Variants in LOC400499 observed in about 807,000 individuals in gnomAD.
At chr16:11,512,933 G>C in the LOC400499 span, among the ~76,000 whole-genome samples, 1 of 152,110 alleles carries the variant, frequency 6.6e-6, no homozygotes. Context: ...GTCCCATCTA[G>C]TGGGTTCTCC....
the LOC400499 span, among the ~76,000 whole-genome samples, chr16:11,419,062 A>G: frequency 6.6e-6 from 1 of 152,154 alleles, no homozygotes. Flanking sequence ...GTTACTCAGG[A>G]GGCTGAAGCG....
At chr16:11,516,204 G>A in the LOC400499 span, 177 of 399,736 alleles carry the variant, frequency 4.4e-4, 1 homozygote, top group Non-Finnish European at 6.8e-4. Context: ...AGCACAGCAC[G>A]CTTCACGTTC....
the LOC400499 span, chr16:11,450,684 G>A: frequency 4.8e-5 from 73 of 1,536,172 alleles, no homozygotes; most frequent in African/African-American, 3.8e-4. Flanking sequence ...TGCAGCCCAC[G>A]CTGACCACCA....
At chr16:11,404,873 G>T in the LOC400499 span, 1 of 398,962 alleles carries the variant, frequency 2.5e-6, no homozygotes, top group South Asian at 1.3e-4. Flanking sequence ...TGAGCTGGAA[G>T]AGAATGACGG....
At chr16:11,457,456 G>A in the LOC400499 span, among the ~76,000 whole-genome samples, 1 of 152,022 alleles carries the variant, frequency 6.6e-6, no homozygotes, top group Non-Finnish European at 1.5e-5. Context: ...AGCCGGGCAT[G>A]GTGGTGGGCG....
the LOC400499 span, among the ~76,000 whole-genome samples, chr16:11,389,466 A>G: frequency 1.3e-5 from 2 of 152,002 alleles, no homozygotes; most frequent in Non-Finnish European, 2.9e-5. Context: ...TGGATCACCT[A>G]AGGTCAGGAG....
chr16:11,384,164 CAG>C, the LOC400499 span: 1 of 1,213,254 alleles, frequency 8.2e-7, no homozygotes, highest in Non-Finnish European at 1.0e-6. Context: ...CTGCAGTGAG[CAG>C]CCCTCAAGAA....
the LOC400499 span, among the ~76,000 whole-genome samples, chr16:11,450,037 A>G: frequency 6.6e-6 from 1 of 151,846 alleles, no homozygotes; most frequent in African/African-American, 2.4e-5. Flanking sequence ...ACCGCTCTTG[A>G]CTCCAACCTG....
chr16:11,414,241 G>A, the LOC400499 span: 1 of 398,648 alleles, frequency 2.5e-6, no homozygotes, highest in South Asian at 1.4e-4. Context: ...CCAAGGCCTG[G>A]TCCTCCCCAC....
the LOC400499 span, among the ~76,000 whole-genome samples, chr16:11,407,973 T>C: frequency 1.6e-5 from 1 of 63,126 alleles, no homozygotes; most frequent in African/African-American, 6.5e-5. Context: ...CAGAGCTGTT[T>C]TTTTTTTTTT....
the LOC400499 span, among the ~76,000 whole-genome samples, chr16:11,376,684 A>G: frequency 2.6e-5 from 4 of 152,198 alleles, no homozygotes; most frequent in Non-Finnish European, 5.9e-5. Flanking sequence ...GTCCCTTGAA[A>G]TTGTGTATCA....
chr16:11,487,423 A>T, the LOC400499 span: 4 of 398,656 alleles, frequency 1.0e-5, no homozygotes, highest in Admixed American at 1.8e-4. Flanking sequence ...CACTCTGTAC[A>T]CTCACAGAGT....
the LOC400499 span, among the ~76,000 whole-genome samples, chr16:11,441,445 T>C: frequency 1.3e-5 from 2 of 152,224 alleles, no homozygotes; most frequent in Admixed American, 1.3e-4. Context: ...TCACTAGTTA[T>C]AGCCTGAAAC....
the LOC400499 span, among the ~76,000 whole-genome samples, chr16:11,493,171 G>A: frequency 1.3e-5 from 2 of 152,188 alleles, no homozygotes; most frequent in Non-Finnish European, 2.9e-5. Context: ...TGAGTAAGAA[G>A]GGAGGTAGTG....
the LOC400499 span, chr16:11,425,181 C>CG: frequency 5.0e-6 from 2 of 398,898 alleles, no homozygotes; most frequent in Admixed American, 4.4e-5. Context: ...CTGTCCGTGC[C>CG]GGGGGCCCCA....
At chr16:11,492,246 A>ACAGC in the LOC400499 span, among the ~76,000 whole-genome samples, 478 of 150,964 alleles carry the variant, frequency 3.2e-3, 6 homozygotes, top group African/African-American at 0.011. Context: ...GGCTTCCTCC[A>ACAGC]CAGCCAGCCA....
At chr16:11,513,907 T>C in the LOC400499 span, among the ~76,000 whole-genome samples, 1 of 152,132 alleles carries the variant, frequency 6.6e-6, no homozygotes, top group African/African-American at 2.4e-5. Flanking sequence ...GACAACTGGT[T>C]TCCAAACATG....
the LOC400499 span, chr16:11,457,161 G>A: frequency 4.5e-4 from 418 of 928,282 alleles, 2 homozygotes; most frequent in Admixed American, 6.3e-4. Flanking sequence ...CACGGGCAAC[G>A]GGAGTGGAAC....
At chr16:11,449,290 A>T in the LOC400499 span, among the ~76,000 whole-genome samples, 1 of 152,266 alleles carries the variant, frequency 6.6e-6, no homozygotes, top group Non-Finnish European at 1.5e-5. Flanking sequence ...CAGGGCCTTG[A>T]AACAAGAAGA....
Sources: allele counts gnomAD v4.1 joint callset (sites outside exome capture counted in the v4.1 genomes callset), GRCh38; gene constraint gnomAD v4.1.1; transcripts MANE v1.5.